TMEM175: variants seen among roughly 807,000 people sequenced by gnomAD.
TMEM175 encodes transmembrane protein 175, also known as endosomal/lysosomal proton channel TMEM175.
Under a neutral mutation model 36.5 loss-of-function variants are expected in TMEM175, and 36 were observed. The ratio of observed to expected loss-of-function variants is 0.99; its 90% confidence interval spans 0.76 to 1.30. The LOEUF (loss-of-function observed/expected upper bound fraction) is 1.30. TMEM175 is among the 50% of genes most tolerant of loss of function. TMEM175 has a pLI of 0.00. For missense variants in TMEM175, 705 were observed against 692.8 expected (o/e 1.02, Z -0.20); for synonymous variants, 339 against 313.4 (o/e 1.08, Z -0.86).
chr4:948,502 G>A lies in TMEM175; in HGVS notation c.192+348G>A, dbSNP rs1728470944. 5.7e-6 allele frequency: 8 copies of A among 1,411,222 alleles called. No homozygotes were observed. In the Admixed American group the frequency reaches 1.7e-4, roughly 30 times the overall value. The allele number at this position is 1,411,222 out of a possible 1,614,324, so 87.4% of individuals were successfully genotyped here. On this transcript the variant is annotated intron_variant, in intron 3 of 10. Transcript: ENST00000264771. ...CCCAAGGACAGAAGTTTCCTCTGCG[G>A]GAGGGCAGCTGCCCCAGCAGGCAGG...
chr4:951,776 C>T (rs1467087802), intron 6 of TMEM175, 59 bp downstream of exon 6: 17 of 1,579,546 alleles, frequency 1.1e-5, no homozygotes, highest in Non-Finnish European at 1.4e-5. Flanking sequence ...TGGATTTGAC[C>T]TGTCCTCAAA....
chr4:939,549 C>T (rs1727187924), intron 1 of TMEM175, among the ~76,000 whole-genome samples: 1 of 152,138 alleles, frequency 6.6e-6, no homozygotes, highest in African/African-American at 2.4e-5. Context: ...AACCTCATCT[C>T]TACTAAAAAT....
intron 8 of TMEM175, 88 bp from the exon 9 acceptor site, chr4:955,317 C>T: frequency 9.9e-7 from 1 of 1,014,810 alleles, no homozygotes; most frequent in South Asian, 1.3e-5. Context: ...TCTGCCGCAG[C>T]CCCTGCTTTG....
intron 1 of TMEM175, chr4:945,906 A>G (rs1327989680): frequency 6.6e-6 from 1 of 152,090 alleles, no homozygotes; most frequent in African/African-American, 2.4e-5. Flanking sequence ...CACATTTCCA[A>G]GTAGCACAGA....
chr4:947,809 G>C lies in TMEM175; in HGVS notation c.70G>C (p.Glu24Gln). ...GGACTGCCCCCCAGGCAGGAGAGAC[G>C]AGGACGCTGGGGAGGGGATCCAGTG... ...PGDCPPGRRD[E>Q]DAGEGIQCSQ... The change falls in exon 2 of 11, where the codon GAG becomes CAG. Residue 24 changes from glutamate to glutamine, a missense_variant. Glu to Gln is a conservative substitution (Grantham distance 29, BLOSUM62 2). Coordinates refer to ENST00000264771, the MANE Select transcript of TMEM175 (RefSeq NM_032326.4). 1 of 1,613,066 alleles carries C rather than the reference G, an allele frequency of 6.2e-7. No individual in the cohort carries two copies. Among genetic ancestry groups the C allele is most frequent in the Non-Finnish European group, 8.5e-7 (1 of 1,179,870 alleles).
At chr4:952,325 C>A in intron 6 of TMEM175, 42 bp from the exon 7 acceptor site, 1 of 1,580,692 alleles carries the variant, frequency 6.3e-7, no homozygotes, top group Non-Finnish European at 8.7e-7. Context: ...GGCCTGGTAA[C>A]CTAGGATTTG....
intron 1 of TMEM175, among the ~76,000 whole-genome samples, chr4:943,174 C>T (rs1032956759): frequency 3.3e-5 from 5 of 151,702 alleles, no homozygotes; most frequent in Admixed American, 3.3e-4. Flanking sequence ...AGAGAAATAG[C>T]AGATTAAAAC....
chr4:952,293 A>G (rs1728987155), intron 6 of TMEM175, 74 bp from the exon 7 acceptor site: 3 of 1,369,476 alleles, frequency 2.2e-6, no homozygotes, highest in African/African-American at 2.9e-5. Context: ...GAGGCTCACC[A>G]TGGCCCAGTT....
chr4:945,647 A>G (rs1728052041), intron 1 of TMEM175, among the ~76,000 whole-genome samples: 3 of 152,094 alleles, frequency 2.0e-5, no homozygotes, highest in Admixed American at 2.0e-4. Flanking sequence ...ACTACAGCAC[A>G]TCCCTCTTCC....
intron 3 of TMEM175, 55 bp downstream of exon 3, chr4:948,209 C>A: frequency 6.2e-7 from 1 of 1,613,796 alleles, no homozygotes; most frequent in Non-Finnish European, 8.5e-7. Flanking sequence ...TATAGGGTCC[C>A]CGAGGCTCGA....
intron 6 of TMEM175, chr4:952,071 T>C (rs1728960741): frequency 6.9e-6 from 4 of 583,080 alleles, no homozygotes; most frequent in Non-Finnish European, 1.2e-5. Context: ...ATTCTGGCAG[T>C]GGCCGCTAGT....
intron 1 of TMEM175, among the ~76,000 whole-genome samples, chr4:940,437 A>C (rs546428741): frequency 7.1e-6 from 1 of 141,536 alleles, no homozygotes; most frequent in Admixed American, 7.0e-5. Context: ...AGCAAGAGTG[A>C]AACTCGATCT....
At chr4:952,918 C>A (rs142155399) in intron 7 of TMEM175, among the ~76,000 whole-genome samples, 1 of 151,972 alleles carries the variant, frequency 6.6e-6, no homozygotes, top group African/African-American at 2.4e-5. Flanking sequence ...GGCCCTGAGA[C>A]CCCCCACATG....
intron 1 of TMEM175, among the ~76,000 whole-genome samples, chr4:945,826 A>G (rs1386763181): frequency 6.6e-6 from 1 of 152,096 alleles, no homozygotes; most frequent in African/African-American, 2.4e-5. Flanking sequence ...TAAATGGTGG[A>G]GAGCCCAGCC....
chr4:934,350 G>A (rs781635832), intron 1 of TMEM175, among the ~76,000 whole-genome samples: 55 of 152,228 alleles, frequency 3.6e-4, no homozygotes, highest in Non-Finnish European at 7.3e-4. Flanking sequence ...AGAGAGTGTC[G>A]TAACAGAGCC....
At chr4:956,586 G>A in intron 10 of TMEM175, 1 of 713,754 alleles carries the variant, frequency 1.4e-6, no homozygotes, top group South Asian at 1.7e-5. Flanking sequence ...GGGATTACAA[G>A]CACCCACCAC....
At chr4:941,925 C>G (rs1398543205) in intron 1 of TMEM175, among the ~76,000 whole-genome samples, 1 of 152,040 alleles carries the variant, frequency 6.6e-6, no homozygotes, top group African/African-American at 2.4e-5. Context: ...TTGTCAAACC[C>G]AATGTCATGA....
chr4:934,323 A>G (rs1448918602), intron 1 of TMEM175, among the ~76,000 whole-genome samples: 1 of 152,222 alleles, frequency 6.6e-6, no homozygotes, highest in Non-Finnish European at 1.5e-5. Context: ...GCAGTCAGTG[A>G]AGGAGGAAGA....
intron 3 of TMEM175, among the ~76,000 whole-genome samples, chr4:948,913 T>C (rs1163707462): frequency 6.6e-6 from 1 of 152,180 alleles, no homozygotes; most frequent in African/African-American, 2.4e-5. Context: ...CTTTCTCAGC[T>C]GTGCGAAGGG....
Sources: allele counts gnomAD v4.1 joint callset (sites outside exome capture counted in the v4.1 genomes callset), GRCh38; gene constraint gnomAD v4.1.1; transcripts MANE v1.5; gene names NCBI Gene and HGNC (gene_info 2026-07-23, HGNC 2026-07-21).